The following TRAPPC8 variants were observed in gnomAD, a reference collection of about 807,000 sequenced individuals.
TRAPPC8 encodes the protein general sporulation gene 1 homolog.
In TRAPPC8, 54 loss-of-function variants were observed where a neutral mutation model predicts 174.3. That is an observed-to-expected ratio of 0.31 (90% CI 0.25 to 0.39). The LOEUF (loss-of-function observed/expected upper bound fraction) is 0.39. Ranked by LOEUF, TRAPPC8 falls within the 10% of genes least tolerant of loss-of-function variation. The pLI is 1.00. For missense variants in TRAPPC8, 1,531 were observed against 1,699.1 expected (o/e 0.90, Z 1.74); for synonymous variants, 630 against 579.9 (o/e 1.09, Z -1.24).
At chr18:31,864,389 A>G (rs1037936737) in intron 19 of TRAPPC8, among the ~76,000 whole-genome samples, 3 of 152,034 alleles carry the variant, frequency 2.0e-5, no homozygotes, top group African/African-American at 7.2e-5. Flanking sequence ...TTTTAGAAGT[A>G]TTTTTCCCAA....
intron 14 of TRAPPC8, 72 bp downstream of exon 14, chr18:31,873,358 T>C: frequency 2.4e-6 from 3 of 1,276,404 alleles, no homozygotes; most frequent in East Asian, 2.5e-5. Flanking sequence ...CATCGTTTTT[T>C]AAATGGAGAA....
At position 31,913,446 on chromosome 18, in the gene TRAPPC8, T is replaced by A; in HGVS notation, c.694A>T (p.Thr232Ser). The A allele has an allele frequency of 6.2e-7, 1 of 1,611,702 alleles. No individual in the cohort carries two copies. Among genetic ancestry groups the A allele is most frequent in the African/African-American group, 1.3e-5 (1 of 74,920 alleles). The change falls in exon 5 of 29, where the codon ACA becomes TCA. Residue 232 changes from threonine to serine, a missense_variant. Coordinates refer to ENST00000283351, the MANE Select transcript of TRAPPC8 (RefSeq NM_014939.5). ...TGTTCATCTGATGCTCGATTAGATG[T>A]TCGAGAATTAATTTTAAGTAAATAG... is the stretch of plus-strand genomic sequence containing the variant. Reference protein sequence around the residue: ...GCYLLKINSRTSNRASDEQIP... With the variant: ...GCYLLKINSRSSNRASDEQIP...
At chr18:31,883,561 C>G (rs1403379241) in intron 12 of TRAPPC8, 1 of 152,996 alleles carries the variant, frequency 6.5e-6, no homozygotes, top group Non-Finnish European at 1.5e-5. Context: ...TCCTCCAGAT[C>G]TGGCTCTGAA....
intron 1 of TRAPPC8, among the ~76,000 whole-genome samples, chr18:31,940,854 C>T (rs191804771): frequency 2.0e-5 from 3 of 152,142 alleles, no homozygotes; most frequent in African/African-American, 7.2e-5. Flanking sequence ...CAGCACTGCT[C>T]TATGGTGTAA....
At chr18:31,859,012 G>A (rs548814361) in intron 19 of TRAPPC8, among the ~76,000 whole-genome samples, 2 of 152,250 alleles carry the variant, frequency 1.3e-5, no homozygotes, top group South Asian at 2.1e-4. Flanking sequence ...AGGACTGCTC[G>A]AGCCCAGGAA....
chr18:31,834,413 G>A (rs922686502), intron 27 of TRAPPC8, among the ~76,000 whole-genome samples: 19 of 152,116 alleles, frequency 1.2e-4, no homozygotes, highest in African/African-American at 4.3e-4. Flanking sequence ...TCCAGTCTTG[G>A]GACCACATTT....
intron 12 of TRAPPC8, among the ~76,000 whole-genome samples, chr18:31,878,776 A>G (rs1338646580): frequency 6.6e-6 from 1 of 152,216 alleles, no homozygotes. Flanking sequence ...CAAGGGGTGG[A>G]GAAAGATCAA....
chr18:31,879,498 A>G (rs1299461713), intron 12 of TRAPPC8, among the ~76,000 whole-genome samples: 2 of 152,190 alleles, frequency 1.3e-5, no homozygotes, highest in Non-Finnish European at 2.9e-5. Flanking sequence ...GAAAGTTTAC[A>G]GCACTAAATG....
chr18:31,839,388 C>T lies in TRAPPC8; in HGVS notation c.3907G>A (p.Val1303Ile). The T allele has an allele frequency of 4.3e-6, 7 of 1,612,280 alleles. No individual in the cohort carries two copies. Among genetic ancestry groups the T allele is most frequent in the South Asian group, 1.1e-5 (1 of 90,680 alleles). The change falls in exon 27 of 29, where the codon GTA (valine) becomes ATA (isoleucine). Residue 1303 changes from valine (V) to isoleucine (I), a missense_variant. Coordinates refer to ENST00000283351, the MANE Select transcript of TRAPPC8 (RefSeq NM_014939.5). ...TTAATGAGACTAGAAAGCTGCTCTA[C>T]TGATGGCCTTGAGGAAACTGTAATG... ...ENITVSSRPSVEQLSSLIKTS... is the reference protein window; with the variant it reads ...ENITVSSRPSIEQLSSLIKTS...
chr18:31,834,726 GCA>G (rs950084319), intron 27 of TRAPPC8, among the ~76,000 whole-genome samples: 2 of 152,126 alleles, frequency 1.3e-5, no homozygotes, highest in Admixed American at 1.3e-4. Flanking sequence ...TATGCTCATG[GCA>G]GCTAAACATA....
At chr18:31,858,665 A>C (rs2034161727) in intron 19 of TRAPPC8, among the ~76,000 whole-genome samples, 1 of 152,376 alleles carries the variant, frequency 6.6e-6, no homozygotes, top group East Asian at 1.9e-4. Context: ...TTCTAAAAAA[A>C]ATTTTTAAAT....
chr18:31,864,507 T>C (rs1386151467), intron 19 of TRAPPC8, 120 bp downstream of exon 19: 4 of 925,354 alleles, frequency 4.3e-6, no homozygotes, highest in Admixed American at 3.3e-5. Flanking sequence ...ACTAGCTTAA[T>C]AATAATTTAA....
chr18:31,866,115 G>C (rs2034574875), intron 18 of TRAPPC8, among the ~76,000 whole-genome samples: 1 of 151,996 alleles, frequency 6.6e-6, no homozygotes, highest in South Asian at 2.1e-4. Flanking sequence ...ATTCATGTTT[G>C]TCAAGGACTA....
At position 31,874,728 on chromosome 18, in the gene TRAPPC8, T is replaced by C. The variant is rs1254006579; in HGVS notation, c.1729-24A>G. ...TTCTGTAAGAAAATAAACAAAATAA[T>C]GTATTATACTCCAAATTTGTTTGAA... On this transcript the variant is annotated intron_variant, in intron 12 of 28. Coordinates refer to ENST00000283351, the MANE Select transcript of TRAPPC8 (RefSeq NM_014939.5). 8 of 1,590,314 alleles carry C rather than the reference T, an allele frequency of 5.0e-6. No individual in the cohort carries two copies. In the Admixed American group the frequency reaches 1.1e-4, roughly 21 times the overall value.
At chr18:31,880,121 A>ATATATATTT (rs1239258266) in intron 12 of TRAPPC8, among the ~76,000 whole-genome samples, 2 of 69,050 alleles carry the variant, frequency 2.9e-5, no homozygotes, top group African/African-American at 1.2e-4. Context: ...ATATATATAT[A>ATATATATTT]TTTTTTTTTT....
intron 12 of TRAPPC8, among the ~76,000 whole-genome samples, chr18:31,876,878 G>A (rs147400949): frequency 1.3e-5 from 2 of 152,298 alleles, no homozygotes; most frequent in African/African-American, 4.8e-5. Context: ...ACACAGGCAT[G>A]CCCGCCCTCC....
At chr18:31,904,118 C>T (rs549497026) in intron 9 of TRAPPC8, among the ~76,000 whole-genome samples, 30 of 152,038 alleles carry the variant, frequency 2.0e-4, no homozygotes, top group Non-Finnish European at 5.9e-5. Flanking sequence ...TGCCTATAGT[C>T]CCAGCTACTG....
At chr18:31,851,806 G>A (rs909423452) in intron 24 of TRAPPC8, among the ~76,000 whole-genome samples, 1 of 151,850 alleles carries the variant, frequency 6.6e-6, no homozygotes, top group Admixed American at 6.6e-5. Flanking sequence ...AAATTCAGAG[G>A]GTTATCATCT....
chr18:31,843,559 T>C (rs965328052), intron 26 of TRAPPC8, among the ~76,000 whole-genome samples: 1 of 152,190 alleles, frequency 6.6e-6, no homozygotes, highest in Non-Finnish European at 1.5e-5. Context: ...ACTATCTATT[T>C]GTGTGCAAAC....
Sources: allele counts gnomAD v4.1 joint callset (sites outside exome capture counted in the v4.1 genomes callset), GRCh38; gene constraint gnomAD v4.1.1; transcripts MANE v1.5; gene names NCBI Gene and HGNC (gene_info 2026-07-23, HGNC 2026-07-21).